Variants in TMEM181 observed in about 807,000 individuals in gnomAD.
The protein encoded by TMEM181 is transmembrane protein 181, also known as G protein-coupled receptor 178.
In TMEM181, 39 loss-of-function variants were observed where a neutral mutation model predicts 71.9. The ratio of observed to expected loss-of-function variants is 0.54; its 90% CI spans 0.42 to 0.71. The LOEUF (loss-of-function observed/expected upper bound fraction) is 0.71, where lower values mean the gene tolerates loss of function less well. Among genes scored for constraint, TMEM181 ranks in the 30% least tolerant of loss-of-function variants. TMEM181 has a pLI of 0.00. For missense variants in TMEM181, 595 were observed against 583.0 expected, an observed-to-expected ratio of 1.02 and a Z score of -0.21; for synonymous variants, 245 against 228.8, an observed-to-expected ratio of 1.07 and a Z score of -0.64.
intron 2 of TMEM181, among the ~76,000 whole-genome samples, chr6:158,574,597 A>T (rs911075754): frequency 6.6e-6 from 1 of 152,232 alleles, no homozygotes; most frequent in African/African-American, 2.4e-5. Flanking sequence ...ATTCTTGCAG[A>T]AATGAGAAAT....
At chr6:158,618,308 T>TTTGTTGTTGTTG (rs376129600) in intron 10 of TMEM181, among the ~76,000 whole-genome samples, 72 of 151,860 alleles carry the variant, frequency 4.7e-4, no homozygotes, top group African/African-American at 1.1e-3. Flanking sequence ...AACCCCTGCT[T>TTTGTTGTTGTTG]TTGTTGTTGT....
At chr6:158,573,751 TGCAGCA>T (rs1783008783) in intron 2 of TMEM181, among the ~76,000 whole-genome samples, 1 of 152,220 alleles carries the variant, frequency 6.6e-6, no homozygotes, top group Admixed American at 6.5e-5. Context: ...CCATGCCCTG[TGCAGCA>T]GCCAGGGGCA....
intron 4 of TMEM181, among the ~76,000 whole-genome samples, chr6:158,584,478 A>G (rs1336590165): frequency 6.6e-6 from 1 of 152,198 alleles, no homozygotes; most frequent in East Asian, 1.9e-4. Context: ...CACCTCCCCC[A>G]CTTTCACAAC....
At chr6:158,626,600 G>GT (rs1447076354) in intron 13 of TMEM181, 1 of 456,994 alleles carries the variant, frequency 2.2e-6, no homozygotes, top group East Asian at 6.9e-5. Flanking sequence ...ACCACTAGGA[G>GT]TGTGAACTCA....
rs2128284411 is a variant in TMEM181 at position 158,560,116 on chromosome 6, C to G, written c.-109C>G. 6.1e-6 allele frequency: 6 copies of G among 984,978 alleles called. No homozygotes were observed. Among genetic ancestry groups the G allele is most frequent in the Non-Finnish European group, 7.2e-6 (6 of 829,782 alleles). The allele number at this position is 984,978 out of a possible 1,614,324, so 61.0% of individuals were successfully genotyped here. A position where few individuals can be genotyped will look rare whatever the true frequency, so the allele number is the denominator to read the frequency against. On this transcript the variant is annotated 5_prime_UTR_variant, in exon 1 of 17. Transcript: ENST00000684151. ...GAGTTTTCCGCGGCCGGCCGCTGCT[C>G]AGCCGCTGTCGCTCCGGCTCCGGCT...
At chr6:158,625,642 C>A in intron 12 of TMEM181, 61 bp from the exon 13 acceptor site, 1 of 1,450,704 alleles carries the variant, frequency 6.9e-7, no homozygotes, top group Non-Finnish European at 9.5e-7. Flanking sequence ...TTTTATTTTT[C>A]AAAATAAAAT....
At chr6:158,605,134 GT>G in intron 6 of TMEM181, 132 bp from the exon 7 acceptor site, 4 of 275,788 alleles carry the variant, frequency 1.5e-5, no homozygotes, top group South Asian at 3.3e-5. Flanking sequence ...AAAAAAAAGT[GT>G]GTGTGTGTGT....
chr6:158,552,836 A>AAAAC (rs1781760693), intron 1 of TMEM181, among the ~76,000 whole-genome samples: 1 of 151,670 alleles, frequency 6.6e-6, no homozygotes, highest in African/African-American at 2.4e-5. Context: ...CGGAATGAAA[A>AAAAC]AACATTTCTG....
At chr6:158,623,899 G>A (rs745957909) in intron 11 of TMEM181, among the ~76,000 whole-genome samples, 20 of 152,032 alleles carry the variant, frequency 1.3e-4, no homozygotes, top group Non-Finnish European at 2.6e-4. Context: ...TAACTGGGAC[G>A]ATAGGCGTGC....
intron 10 of TMEM181, among the ~76,000 whole-genome samples, chr6:158,619,455 G>A (rs1785824041): frequency 6.6e-6 from 1 of 152,118 alleles, no homozygotes; most frequent in Non-Finnish European, 1.5e-5. Flanking sequence ...CCTTTAGCTC[G>A]GAGAAGTTGG....
intron 10 of TMEM181, 148 bp from the exon 11 acceptor site, chr6:158,623,402 T>C: frequency 2.0e-6 from 1 of 507,592 alleles, no homozygotes; most frequent in South Asian, 3.4e-5. Flanking sequence ...TCTCATAAAT[T>C]TAGGATTGCT....
chr6:158,595,935 T>A (rs1372258408), intron 6 of TMEM181, among the ~76,000 whole-genome samples: 1 of 152,174 alleles, frequency 6.6e-6, no homozygotes, highest in African/African-American at 2.4e-5. Flanking sequence ...ATTTTTATTT[T>A]TTTTGAGACG....
chr6:158,585,410 C>T lies in TMEM181; in HGVS notation c.366C>T (p.Thr122=). 3.7e-6 allele frequency: 6 copies of T among 1,608,648 alleles called. No homozygotes were observed. Among genetic ancestry groups the T allele is most frequent in the East Asian group, 2.2e-5 (1 of 44,574 alleles). The change falls in exon 5 of 17, where the codon ACC becomes ACT. Residue 122 remains threonine (T), a synonymous_variant. Transcript: ENST00000684151. ...ACAAAGTTCACAACCGGACAAGGACCCTCACATGTGCAGGGGTGAGTGTGT... is the reference window on the plus strand; with the variant it reads ...ACAAAGTTCACAACCGGACAAGGACTCTCACATGTGCAGGGGTGAGTGTGT... The part of the protein sequence containing the change: ...IHNKVHNRTR[T]LTCAGKCAEI...
intron 10 of TMEM181, 92 bp downstream of exon 10, chr6:158,608,842 A>T (rs181145504): frequency 0.042 from 49,314 of 1,185,510 alleles, 2,416 homozygotes; most frequent in Admixed American, 0.25. Context: ...TCACGCCTGT[A>T]ATCCCAGCAC....
chr6:158,613,442 A>T (rs1168264777), intron 10 of TMEM181, among the ~76,000 whole-genome samples: 4 of 152,220 alleles, frequency 2.6e-5, no homozygotes, highest in Non-Finnish European at 5.9e-5. Flanking sequence ...TCCAAAGCCA[A>T]ACCCAGCCAT....
chr6:158,598,981 A>T (rs977093311), intron 6 of TMEM181, among the ~76,000 whole-genome samples: 1 of 152,176 alleles, frequency 6.6e-6, no homozygotes, highest in Non-Finnish European at 1.5e-5. Flanking sequence ...GTTTTTAAAC[A>T]TGGGGACCCA....
At chr6:158,622,408 C>CG (rs1291104473) in intron 10 of TMEM181, among the ~76,000 whole-genome samples, 1 of 151,572 alleles carries the variant, frequency 6.6e-6, no homozygotes, top group Non-Finnish European at 1.5e-5. Flanking sequence ...TGTGATATGT[C>CG]GGGAGGGTCA....
intron 10 of TMEM181, among the ~76,000 whole-genome samples, chr6:158,613,005 T>C (rs959606278): frequency 6.6e-6 from 1 of 152,194 alleles, no homozygotes; most frequent in Non-Finnish European, 1.5e-5. Flanking sequence ...AGATGAGTAA[T>C]TGTCACTCAG....
intron 6 of TMEM181, among the ~76,000 whole-genome samples, chr6:158,599,786 C>T (rs990702145): frequency 6.6e-6 from 1 of 152,236 alleles, no homozygotes; most frequent in East Asian, 1.9e-4. Flanking sequence ...CTCGGGGCTT[C>T]CTGCAGCTTG....
Sources: gnomAD v4.1 joint callset for allele counts (sites outside exome capture counted in the v4.1 genomes callset) on GRCh38, gnomAD v4.1.1 for gene constraint, MANE v1.5 for transcripts, NCBI Gene and HGNC (gene_info 2026-07-23, HGNC 2026-07-21) for gene names.